The following CDCA2 variants were observed in gnomAD, a reference collection of about 807,000 sequenced individuals.
The protein encoded by CDCA2 is cell division cycle associated 2.
CDCA2 carries 44 observed loss-of-function variants against 67.0 expected under a neutral mutation model. The observed-to-expected ratio is 0.66, with a 90% CI of 0.52 to 0.84. The LOEUF (loss-of-function observed/expected upper bound fraction) is 0.84, where lower values mean the gene tolerates loss of function less well. CDCA2 is among the 40% of genes least tolerant of loss of function. The pLI is 0.00. For missense variants in CDCA2, 1,253 were observed against 1,203.2 expected (o/e 1.04, Z -0.61); for synonymous variants, 447 against 418.7 (o/e 1.07, Z -0.82).
At chr8:25,495,597 T>A (rs1247802713) in intron 13 of CDCA2, among the ~76,000 whole-genome samples, 1 of 152,072 alleles carries the variant, frequency 6.6e-6, no homozygotes, top group Non-Finnish European at 1.5e-5. Context: ...TATTTTTTAT[T>A]TTTTAGTAGA....
chr8:25,478,091 T>C (rs1478126906), intron 7 of CDCA2, among the ~76,000 whole-genome samples: 2 of 151,606 alleles, frequency 1.3e-5, no homozygotes, highest in African/African-American at 4.9e-5. Flanking sequence ...CATGCCCAGC[T>C]AATTTTTTTT....
At chr8:25,476,867 T>G (rs1298407567) in intron 7 of CDCA2, among the ~76,000 whole-genome samples, 3 of 152,132 alleles carry the variant, frequency 2.0e-5, no homozygotes, top group Non-Finnish European at 2.9e-5. Flanking sequence ...ACCCTCTTTT[T>G]TAGGGACTGA....
At chr8:25,467,921 C>G (rs566210513) in intron 5 of CDCA2, among the ~76,000 whole-genome samples, 1 of 151,542 alleles carries the variant, frequency 6.6e-6, no homozygotes, top group African/African-American at 2.4e-5. Flanking sequence ...GAGTTCAGAC[C>G]AGCCTGACCA....
chr8:25,505,157 C>T (rs1804628013), intron 14 of CDCA2, among the ~76,000 whole-genome samples: 1 of 152,042 alleles, frequency 6.6e-6, no homozygotes, highest in African/African-American at 2.4e-5. Flanking sequence ...TCTTTACCTT[C>T]CTTCTCTAGT....
At chr8:25,476,006 AT>A (rs1803333958) in intron 7 of CDCA2, among the ~76,000 whole-genome samples, 1 of 152,176 alleles carries the variant, frequency 6.6e-6, no homozygotes, top group Admixed American at 6.5e-5. Flanking sequence ...GTCCAGGGGA[AT>A]TCTCTGTGTG....
intron 6 of CDCA2, 143 bp downstream of exon 6, chr8:25,468,556 T>TGTGTGTGCGTGC: frequency 4.0e-6 from 2 of 494,160 alleles, no homozygotes. Flanking sequence ...TGTGTGTGTG[T>TGTGTGTGCGTGC]GCGTGTGTGT....
At chr8:25,477,134 C>T (rs1166783385) in intron 7 of CDCA2, among the ~76,000 whole-genome samples, 2 of 152,106 alleles carry the variant, frequency 1.3e-5, no homozygotes, top group East Asian at 1.9e-4. Context: ...CCTTGTTGAC[C>T]AGCCATCTCC....
rs17053793 is a variant in CDCA2, at chr8:25,503,346, T to C, written c.1672-27T>C. ...TTACATGGTGCTACATCTTTCTCAATTGCAATGTTTTAATGCATTTTCTCA... is the reference window on the plus strand; with the variant it reads ...TTACATGGTGCTACATCTTTCTCAACTGCAATGTTTTAATGCATTTTCTCA... On this transcript the variant is annotated intron_variant, in intron 13 of 14. Transcript: ENST00000330560. 5.4e-3 allele frequency: 8,363 copies of C among 1,553,736 alleles called. 417 individuals are homozygous for C. The African/African-American group carries it at 0.1, about 19-fold the overall frequency.
intron 8 of CDCA2, among the ~76,000 whole-genome samples, chr8:25,481,199 C>T (rs992658628): frequency 4.2e-5 from 6 of 143,578 alleles, no homozygotes; most frequent in Non-Finnish European, 7.5e-5. Context: ...ACTGAAGGAT[C>T]GCTTGAGCCC....
At chr8:25,501,298 A>G (rs982745094) in intron 13 of CDCA2, among the ~76,000 whole-genome samples, 1 of 152,204 alleles carries the variant, frequency 6.6e-6, no homozygotes, top group East Asian at 1.9e-4. Context: ...CAAGGAGCAC[A>G]TAGTTTTGTG....
chr8:25,464,019 C>T lies in CDCA2; in HGVS notation c.387+1811C>T, dbSNP rs148379623. 3.5e-3 allele frequency among the ~76,000 whole-genome samples: 535 copies of T among 152,342 alleles called. 2 individuals are homozygous for T. The highest frequency in any genetic ancestry group is 0.012 in the African/African-American group (505 of 41,580). On this transcript the variant is annotated intron_variant, in intron 4 of 14. Transcript: ENST00000330560. ...GAGGTCTGTCCTGATTCTAGCTAAGCCAGCACTTTTAGGGACTCAGCCACA... is the reference window on the plus strand; with the variant it reads ...GAGGTCTGTCCTGATTCTAGCTAAGTCAGCACTTTTAGGGACTCAGCCACA...
intron 14 of CDCA2, among the ~76,000 whole-genome samples, chr8:25,503,780 A>G (rs1410364332): frequency 6.6e-6 from 1 of 152,224 alleles, no homozygotes; most frequent in African/African-American, 2.4e-5. Flanking sequence ...TTCCCCAGGA[A>G]AACCGAGACA....
At chr8:25,474,683 T>C (rs1803280358) in intron 7 of CDCA2, among the ~76,000 whole-genome samples, 1 of 152,224 alleles carries the variant, frequency 6.6e-6, no homozygotes, top group Non-Finnish European at 1.5e-5. Flanking sequence ...AGAGCTGCTC[T>C]CTGGGTTCTG....
At position 25,496,839 on chromosome 8, in the gene CDCA2, G is replaced by A. The variant is rs1343265845; in HGVS notation, c.1672-6534G>A. 9.9e-5 allele frequency among the ~76,000 whole-genome samples: 15 copies of A among 152,160 alleles called. No homozygotes were observed. In the East Asian group the frequency reaches 2.1e-3, roughly 21 times the overall value. On this transcript the variant is annotated intron_variant, in intron 13 of 14. Coordinates refer to ENST00000330560, the MANE Select transcript of CDCA2 (RefSeq NM_152562.4). ...GCTACAGCCTGTTTTGATTGGCAAA[G>A]TCAACTAAAAATATAGAACTGAATC...
Position 25,462,035 on chromosome 8 carries a change from TAA to T in CDCA2, c.233-18_233-17del. 6.2e-7 allele frequency: 1 copy of T among 1,609,034 alleles called. No individual in the cohort carries two copies. Among genetic ancestry groups the T allele is most frequent in the Non-Finnish European group, 8.5e-7 (1 of 1,175,818 alleles). On this transcript the variant is annotated splice_polypyrimidine_tract_variant and intron_variant, in intron 3 of 14. Transcript: ENST00000330560. Reference sequence around the variant, plus strand: ...GATTGCCTTGTTTTGTTCCAATTTATAAGAGAGTTTCATTACAGGAAAGTCAT... The same window carrying T: ...GATTGCCTTGTTTTGTTCCAATTTATGAGAGTTTCATTACAGGAAAGTCAT...
rs1802642364 is a variant in CDCA2, at chr8:25,460,552, CA to C, written c.231del (p.Gly78GlufsTer27). On this transcript the variant is annotated frameshift_variant and splice_region_variant, in exon 3 of 15. Transcript: ENST00000330560. LOFTEE classifies it high-confidence loss of function. ...CCTGAAAGCTTTGTTAGGAACTCTG[CA>C]GGTAAGAAAAGTTGTCATTCTGTTG... ...ITPESFVRNS[A>X]GKSSSYLKKC... The C allele has an allele frequency of 1.2e-6, 2 of 1,609,442 alleles. No individual in the cohort carries two copies. Among genetic ancestry groups the C allele is most frequent in the Admixed American group, 1.7e-5 (1 of 58,824 alleles).
At chr8:25,467,634 G>C (rs1297967791) in intron 5 of CDCA2, among the ~76,000 whole-genome samples, 2 of 152,016 alleles carry the variant, frequency 1.3e-5, no homozygotes, top group Non-Finnish European at 2.9e-5. Context: ...ACATGCAAAA[G>C]TATTTTAGTA....
intron 13 of CDCA2, among the ~76,000 whole-genome samples, chr8:25,489,157 C>T (rs963851821): frequency 2.0e-5 from 3 of 152,150 alleles, no homozygotes; most frequent in Non-Finnish European, 4.4e-5. Flanking sequence ...CCCTTACAGT[C>T]CATGTGGTTA....
intron 7 of CDCA2, among the ~76,000 whole-genome samples, chr8:25,473,198 G>A (rs771242806): frequency 6.6e-6 from 1 of 152,094 alleles, no homozygotes; most frequent in African/African-American, 2.4e-5. Context: ...TCGCTTTTAG[G>A]GTTAAATAGT....
Sources: gnomAD v4.1 joint callset for allele counts (sites outside exome capture counted in the v4.1 genomes callset) on GRCh38, gnomAD v4.1.1 for gene constraint, MANE v1.5 for transcripts, NCBI Gene and HGNC (gene_info 2026-07-23, HGNC 2026-07-21) for gene names.